PMIS2: variants seen among roughly 807,000 people sequenced by gnomAD.
The protein encoded by PMIS2 is PMIS2 transmembrane protein.
rs939488038 is a variant in PMIS2, at chr19:35,586,874, A to T, written c.283-147A>T. On this transcript the variant is annotated intron_variant, in intron 1 of 1. Transcript: ENST00000646476. ...ATTACAGGCGTGAGCCACTGCACCC[A>T]GCCTACCCTGTCCTCCATTTGGCCC... The T allele has an allele frequency of 2.0e-5, 8 of 397,712 alleles. No homozygotes were observed. In the East Asian group the frequency reaches 2.8e-4, roughly 14 times the overall value. 24.6% of individuals were successfully genotyped at this position (397,712 alleles called of 1,614,324 possible).
chr19:35,586,507 C>T, exon 1 of PMIS2: 1 of 398,512 alleles, frequency 2.5e-6, no homozygotes, highest in Non-Finnish European at 4.4e-6. Flanking sequence ...TTATTCCCTC[C>T]ATTTGGATTG....
exon 2 of PMIS2, chr19:35,587,024 A>G: frequency 2.5e-6 from 1 of 398,620 alleles, no homozygotes; most frequent in Non-Finnish European, 4.4e-6. Flanking sequence ...CCTACAGACT[A>G]TGAAGGCCAA....
chr19:35,587,122 C>T (rs1056696892), exon 2 of PMIS2: 2 of 398,470 alleles, frequency 5.0e-6, no homozygotes, highest in African/African-American at 4.1e-5. Flanking sequence ...GCTTAGGCAT[C>T]ATTTATGGCT....
At chr19:35,586,848 C>T (rs1257694679) in intron 1 of PMIS2, 128 bp from the exon 2 acceptor site, 9 of 396,468 alleles carry the variant, frequency 2.3e-5, no homozygotes, top group Non-Finnish European at 4.0e-5. Context: ...AAAGTGCTGG[C>T]ATTACAGGCG....
chr19:35,586,320 G>A (rs552052478), exon 1 of PMIS2: 15 of 397,884 alleles, frequency 3.8e-5, no homozygotes, highest in African/African-American at 2.7e-4. Context: ...TACCCCAGAC[G>A]CCCCCCCTAC....
chr19:35,586,538 T>C (rs2071780325), exon 1 of PMIS2: 2 of 398,404 alleles, frequency 5.0e-6, no homozygotes, highest in Non-Finnish European at 8.8e-6. Context: ...ACTTCTCTTA[T>C]GAGGTAAAAT....
chr19:35,587,016 T>C (rs966091856), intron 1 of PMIS2: 11 of 398,544 alleles, frequency 2.8e-5, no homozygotes, highest in Non-Finnish European at 4.9e-5. Context: ...CTTCCACCCC[T>C]ACAGACTATG....
Position 35,586,387 on chromosome 19 carries a change from CAGGTGCCCCAGCTG to C in PMIS2, c.140_153del (p.Ala47GlyfsTer43). On this transcript the variant is annotated frameshift_variant, in exon 1 of 2. Transcript: ENST00000646476. LOFTEE classifies it high-confidence loss of function. ...GGTTCTCCCACTACCACAGGTGGTCCAGGTGCCCCAGCTGAGGTGCCCCAGGAGCCGCAAGAGCC... is the reference window on the plus strand; with the variant it reads ...GGTTCTCCCACTACCACAGGTGGTCCAGGTGCCCCAGGAGCCGCAAGAGCC... The C allele has an allele frequency of 2.5e-6, 1 of 399,008 alleles. No homozygotes were observed. Among genetic ancestry groups the C allele is most frequent in the Non-Finnish European group, 4.4e-6 (1 of 226,460 alleles). 24.7% of individuals were successfully genotyped at this position (399,008 alleles called of 1,614,324 possible).
chr19:35,587,040 A>T, exon 2 of PMIS2: 1 of 398,640 alleles, frequency 2.5e-6, no homozygotes, highest in East Asian at 3.6e-5. Context: ...GCCAACCAGA[A>T]CAGTGAATGG....
chr19:35,586,363 G>A (rs1369951600), exon 1 of PMIS2: 1 of 399,068 alleles, frequency 2.5e-6, no homozygotes, highest in Non-Finnish European at 4.4e-6. Flanking sequence ...GCTGCCCCAG[G>A]TTCTCCCACT....
At position 35,587,177 on chromosome 19, in the gene PMIS2, G is replaced by A. The variant is rs534207240; in HGVS notation, c.*31G>A. ...TCTAGGCATAGCAACCCAGGGGTCC[G>A]CTCCCCAACCGAGCCACTCACCAAA... is the stretch of plus-strand genomic sequence containing the variant. On this transcript the variant is annotated 3_prime_UTR_variant, in exon 2 of 2. Coordinates refer to ENST00000646476, the Ensembl canonical transcript of PMIS2. The A allele has an allele frequency of 5.3e-4, 212 of 398,380 alleles. 2 individuals are homozygous for A. Among genetic ancestry groups the A allele is most frequent in the Admixed American group, 2.3e-3 (53 of 22,714 alleles). The allele number at this position is 398,380 out of a possible 1,614,324, so 24.7% of individuals were successfully genotyped here. A position where few individuals can be genotyped will look rare whatever the true frequency, so the allele number is the denominator to read the frequency against.
exon 1 of PMIS2, chr19:35,586,429 C>T (rs1159378744): frequency 1.5e-5 from 6 of 398,776 alleles, no homozygotes; most frequent in Admixed American, 8.8e-5. Flanking sequence ...CAAGAGCCTA[C>T]ACAGACACCA....
At chr19:35,586,724 C>T (rs1404441415) in intron 1 of PMIS2, among the ~76,000 whole-genome samples, 183 bp downstream of exon 1, 1 of 151,974 alleles carries the variant, frequency 6.6e-6, no homozygotes, top group Non-Finnish European at 1.5e-5. Context: ...GGATTACAGA[C>T]ATGAGCCACA....
exon 1 of PMIS2, chr19:35,586,326 C>G (rs1434951036): frequency 1.0e-5 from 4 of 398,356 alleles, no homozygotes; most frequent in African/African-American, 2.1e-5. Flanking sequence ...AGACGCCCCC[C>G]CTACCACAGG....
chr19:35,586,857 C>T (rs1002457480), intron 1 of PMIS2, 119 bp from the exon 2 acceptor site: 45 of 397,154 alleles, frequency 1.1e-4, no homozygotes, highest in African/African-American at 5.8e-4. Context: ...GCATTACAGG[C>T]GTGAGCCACT....
intron 1 of PMIS2, 32 bp downstream of exon 1, chr19:35,586,573 CTTTTTT>C (rs58198918): frequency 1.4e-5 from 5 of 364,616 alleles, no homozygotes; most frequent in Non-Finnish European, 1.4e-5. Context: ...AGCCCCCGTC[CTTTTTT>C]TTTTTTTTTT....
chr19:35,586,977 G>A, intron 1 of PMIS2: 1 of 398,638 alleles, frequency 2.5e-6, no homozygotes, highest in Non-Finnish European at 4.4e-6. Flanking sequence ...TCTCCCCAGG[G>A]TTCCTGGACA....
rs567166020 is a variant in PMIS2, at chr19:35,587,025, T to C, written c.287T>C (p.Met96Thr). ...TCTATGCTTCCACCCCTACAGACTA[T>C]GAAGGCCAACCAGAACAGTGAATGG... Residue 96 changes from methionine (M) to threonine (T), a missense_variant, in exon 2 of 2, where the codon ATG (methionine) becomes ACG (threonine). By Grantham distance (81) the Met-to-Thr change is moderately conservative (BLOSUM62 -1). Coordinates refer to ENST00000646476, the Ensembl canonical transcript of PMIS2. 9 of 398,638 alleles carry C rather than the reference T, an allele frequency of 2.3e-5. No individual in the cohort carries two copies. The East Asian group carries it at 3.2e-4, about 14-fold the overall frequency. 24.7% of individuals were successfully genotyped at this position (398,638 alleles called of 1,614,324 possible).
downstream of PMIS2, chr19:35,587,239 C>T (rs2071783650): frequency 2.5e-6 from 1 of 397,182 alleles, no homozygotes; most frequent in African/African-American, 2.1e-5. Flanking sequence ...GCAAGAAATT[C>T]AACCGCTGAG....
Sources: allele counts gnomAD v4.1 joint callset (sites outside exome capture counted in the v4.1 genomes callset), GRCh38; gene constraint gnomAD v4.1.1; transcripts MANE v1.5; gene names NCBI Gene and HGNC (gene_info 2026-07-23, HGNC 2026-07-21).